The following NPRL3 variants were observed in gnomAD, a reference collection of about 807,000 sequenced individuals.
NPRL3 encodes the protein GATOR1 complex protein NPRL3.
Under a neutral mutation model 57.2 loss-of-function variants are expected in NPRL3, and 23 were observed. The observed-to-expected ratio is 0.40, with a 90% CI of 0.29 to 0.57. The LOEUF is 0.57. NPRL3 is among the 20% of genes least tolerant of loss of function. The pLI is 0.42. For missense variants in NPRL3, 691 were observed against 767.1 expected (o/e 0.90, Z 1.17); for synonymous variants, 333 against 321.1 (o/e 1.04, Z -0.39).
At chr16:127,741 G>A (rs1304990896) in intron 3 of NPRL3, among the ~76,000 whole-genome samples, 4 of 149,424 alleles carry the variant, frequency 2.7e-5, no homozygotes, top group Non-Finnish European at 4.4e-5. Context: ...TGCAAGCTCC[G>A]CCTCCCGGGT....
intron 9 of NPRL3, among the ~76,000 whole-genome samples, chr16:97,254 C>A (rs184850562): frequency 2.0e-5 from 3 of 150,572 alleles, no homozygotes; most frequent in East Asian, 1.9e-4. Flanking sequence ...GATTTCTCCC[C>A]GTGCTTTTTT....
At chr16:115,910 T>A (rs1391059214) in intron 5 of NPRL3, among the ~76,000 whole-genome samples, 1 of 152,218 alleles carries the variant, frequency 6.6e-6, no homozygotes, top group Non-Finnish European at 1.5e-5. Flanking sequence ...GTTTAATCAC[T>A]CCCCAACTAC....
intron 3 of NPRL3, chr16:125,615 G>C (rs994774807): frequency 1.3e-5 from 2 of 152,194 alleles, no homozygotes; most frequent in African/African-American, 2.4e-5. Context: ...GTGGAACTAA[G>C]GCTCATTCTA....
chr16:111,122 G>A (rs542152078), intron 6 of NPRL3, among the ~76,000 whole-genome samples: 7 of 152,126 alleles, frequency 4.6e-5, no homozygotes, highest in South Asian at 4.2e-4. Context: ...ACAGGTAACC[G>A]GGCGCGGTGG....
At chr16:96,639 C>T (rs1365325606) in intron 9 of NPRL3, among the ~76,000 whole-genome samples, 1 of 120,554 alleles carries the variant, frequency 8.3e-6, no homozygotes, top group Non-Finnish European at 1.7e-5. Context: ...AGGGAAACCC[C>T]GTCTCTACCA....
chr16:125,441 T>C (rs914898536), intron 3 of NPRL3, among the ~76,000 whole-genome samples: 3 of 152,192 alleles, frequency 2.0e-5, no homozygotes, highest in Non-Finnish European at 1.5e-5. Flanking sequence ...AGTCCGGCAA[T>C]GCTCCATTTC....
chr16:137,444 T>C (rs114417758), intron 2 of NPRL3, among the ~76,000 whole-genome samples: 2,156 of 152,198 alleles, frequency 0.014, 44 homozygotes, highest in African/African-American at 0.048. Flanking sequence ...TTCCTGTGGA[T>C]AGATCTGCAT....
chr16:126,845 A>T (rs993073647), intron 3 of NPRL3, among the ~76,000 whole-genome samples: 7 of 152,208 alleles, frequency 4.6e-5, no homozygotes, highest in Admixed American at 2.0e-4. Flanking sequence ...AAAATAAGTA[A>T]GAGTTAATCT....
intron 3 of NPRL3, among the ~76,000 whole-genome samples, chr16:123,798 G>C (rs983438271): frequency 1.4e-5 from 2 of 140,198 alleles, no homozygotes; most frequent in Non-Finnish European, 3.1e-5. Context: ...CCCACGCTGA[G>C]AAACAGGATC....
intron 11 of NPRL3, among the ~76,000 whole-genome samples, chr16:92,310 C>T (rs1299466023): frequency 6.6e-6 from 1 of 152,216 alleles, no homozygotes; most frequent in Non-Finnish European, 1.5e-5. Context: ...CACTCTCCTG[C>T]TTAACTCGGT....
At chr16:89,606 CTG>C (rs1176321460) in intron 12 of NPRL3, 105 bp downstream of exon 12, 7 of 1,059,838 alleles carry the variant, frequency 6.6e-6, no homozygotes, top group Non-Finnish European at 7.7e-6. Flanking sequence ...GCGTGTGCAG[CTG>C]TGTGGAGGCC....
chr16:126,008 C>T (rs1233457653), intron 3 of NPRL3: 1 of 152,222 alleles, frequency 6.6e-6, no homozygotes, highest in Non-Finnish European at 1.5e-5. Flanking sequence ...GTTGGGTACA[C>T]TGCTACAAAA....
intron 7 of NPRL3, among the ~76,000 whole-genome samples, chr16:109,120 C>A (rs935879582): frequency 1.3e-5 from 2 of 152,052 alleles, no homozygotes; most frequent in African/African-American, 4.8e-5. Context: ...ACTTGTGCCA[C>A]CACACTCAGA....
At chr16:97,571 C>T (rs930007498) in intron 9 of NPRL3, among the ~76,000 whole-genome samples, 4 of 152,096 alleles carry the variant, frequency 2.6e-5, no homozygotes, top group African/African-American at 7.2e-5. Context: ...GCAGACGAGG[C>T]TGAGGGGCCC....
chr16:116,947 C>T (rs1218370795), intron 5 of NPRL3, among the ~76,000 whole-genome samples: 1 of 148,848 alleles, frequency 6.7e-6, no homozygotes, highest in Non-Finnish European at 1.5e-5. Context: ...TACACTCCAG[C>T]CTGGGTGACA....
rs115810258 is a variant in NPRL3, at chr16:97,808, G to A, written c.924+337C>T. Among the ~76,000 whole-genome samples the A allele has an allele frequency of 2.6e-3, 394 of 152,194 alleles. 1 individual carries two copies. The highest frequency in any genetic ancestry group is 8.3e-3 in the South Asian group (40 of 4,828). On this transcript the variant is annotated intron_variant, in intron 9 of 13. Coordinates refer to ENST00000611875, the MANE Select transcript of NPRL3 (RefSeq NM_001077350.3). ...CATGCACCACTGTGAGACCCCCATG[G>A]CCCTGCCCGCTGCTGCCCTGCCCAC...
rs531876685 is a variant in NPRL3 at position 114,982 on chromosome 16, C to CT, written c.394-2208dup. 8.6e-3 allele frequency among the ~76,000 whole-genome samples: 1,241 copies of CT among 144,758 alleles called. 14 individuals carry two copies. Among genetic ancestry groups the CT allele is most frequent in the Non-Finnish European group, 0.012 (778 of 65,362 alleles). The allele number at this position is 144,758 out of a possible 152,430, so 95.0% of individuals were successfully genotyped here. ...AGAGTAAAAAAAAAAAAGTGTATTT[C>CT]TTTTTTTTTTTAAGATAGGGTCTCA... On this transcript the variant is annotated intron_variant, in intron 5 of 13. Transcript: ENST00000611875.
intron 2 of NPRL3, among the ~76,000 whole-genome samples, chr16:137,795 C>T (rs945273634): frequency 2.6e-5 from 4 of 151,998 alleles, no homozygotes; most frequent in African/African-American, 9.7e-5. Flanking sequence ...GAACTCCTGA[C>T]CTCAGGTGAT....
intron 2 of NPRL3, among the ~76,000 whole-genome samples, chr16:136,638 C>T (rs1415639070): frequency 6.7e-6 from 1 of 148,724 alleles, no homozygotes; most frequent in Non-Finnish European, 1.5e-5. Context: ...TGCGGTGAGC[C>T]GAGATCACGC....
Sources: gnomAD v4.1 joint callset for allele counts (sites outside exome capture counted in the v4.1 genomes callset) on GRCh38, gnomAD v4.1.1 for gene constraint, MANE v1.5 for transcripts, NCBI Gene and HGNC (gene_info 2026-07-23, HGNC 2026-07-21) for gene names.